COL28A1: variants seen among roughly 807,000 people sequenced by gnomAD.
COL28A1 encodes collagen alpha-1(XXVIII) chain.
COL28A1 carries 161 observed loss-of-function variants against 150.2 expected under a neutral mutation model. The observed-to-expected ratio is 1.07, with a 90% CI of 0.94 to 1.22. The LOEUF (loss-of-function observed/expected upper bound fraction) is 1.22, where lower values mean the gene tolerates loss of function less well. Ranked by LOEUF, COL28A1 falls within the 50% of genes most tolerant of loss-of-function variation. The pLI is 0.00. For synonymous variants in COL28A1, 552 were observed against 469.7 expected, an observed-to-expected ratio of 1.18 and a Z score of -2.26; for missense variants, 1,617 against 1,388.3, an observed-to-expected ratio of 1.16 and a Z score of -2.62.
Position 7,466,624 on chromosome 7 carries a change from C to T in COL28A1, c.1302+7977G>A, listed in dbSNP as rs1249031412. On this transcript the variant is annotated intron_variant, in intron 15 of 34. Transcript: ENST00000399429. ...CACAGAACGCCACAAAGATACTCCT[C>T]GAGAAGAGCAACTCCAAGACACATA... Among the ~76,000 whole-genome samples the T allele has an allele frequency of 1.6e-4, 11 of 67,716 alleles. 1 individual carries two copies. The highest frequency in any genetic ancestry group is 5.5e-4 in the South Asian group (1 of 1,806). 44.4% of individuals were successfully genotyped at this position (67,716 alleles called of 152,430 possible). A position where few individuals can be genotyped will look rare whatever the true frequency, so the allele number is the denominator to read the frequency against.
the COL28A1 span, among the ~76,000 whole-genome samples, chr7:7,338,478 A>C: frequency 3.3e-5 from 5 of 151,926 alleles, no homozygotes; most frequent in Admixed American, 2.6e-4. Flanking sequence ...TGTGTTCTTG[A>C]TTTGGCTCTC....
At chr7:7,518,379 T>G (rs1178147713) in intron 6 of COL28A1, among the ~76,000 whole-genome samples, 1 of 152,168 alleles carries the variant, frequency 6.6e-6, no homozygotes, top group African/African-American at 2.4e-5. Context: ...GGTTGTTTGG[T>G]TGAGCATGTG....
At chr7:7,426,354 G>A (rs1784641024) in intron 25 of COL28A1, among the ~76,000 whole-genome samples, 1 of 152,168 alleles carries the variant, frequency 6.6e-6, no homozygotes, top group African/African-American at 2.4e-5. Flanking sequence ...TTCCACCTAT[G>A]TCATGTGTTA....
chr7:7,423,182 G>A (rs1300124692), intron 25 of COL28A1, among the ~76,000 whole-genome samples: 2 of 152,188 alleles, frequency 1.3e-5, no homozygotes, highest in African/African-American at 4.8e-5. Flanking sequence ...TATGGATGAT[G>A]TCTGAGGATT....
rs774962275 is a variant in COL28A1 at position 7,373,440 on chromosome 7, C to A, written c.2466G>T (p.Lys822Asn). 5 of 1,614,018 alleles carry A rather than the reference C, an allele frequency of 3.1e-6. No individual in the cohort carries two copies. In the South Asian group the frequency reaches 5.5e-5, roughly 18 times the overall value. ...CCAGAGCAACCCGGTCAGCCATAGT[C>A]TTCACAAAATTTTTAATGATCTGAA... is the stretch of plus-strand genomic sequence containing the variant. ...ENFQIIKNFV[K>N]TMADRVALDL... Residue 822 changes from lysine to asparagine, a missense_variant, in exon 32 of 35, where the codon AAG becomes AAT. Physicochemically the swap from Lys to Asn is moderately conservative, Grantham distance 94. Coordinates refer to ENST00000399429, the MANE Select transcript of COL28A1 (RefSeq NM_001037763.3). This position sits in a 1 kb window ranked among gnomAD's most constrained non-coding sequence, Gnocchi z 4.1.
chr7:7,446,039 G>A (rs1452402212), intron 18 of COL28A1, among the ~76,000 whole-genome samples: 2 of 152,026 alleles, frequency 1.3e-5, no homozygotes, highest in South Asian at 2.1e-4. Flanking sequence ...TGTATTTTCA[G>A]TAGAGACGGG....
intron 15 of COL28A1, among the ~76,000 whole-genome samples, chr7:7,470,878 G>C (rs1288807124): frequency 7.9e-6 from 1 of 126,600 alleles, no homozygotes; most frequent in Non-Finnish European, 1.6e-5. Context: ...ACCAAACACC[G>C]CATATTCTCA....
At chr7:7,464,947 A>T (rs1355572020) in intron 15 of COL28A1, among the ~76,000 whole-genome samples, 9 of 152,242 alleles carry the variant, frequency 5.9e-5, no homozygotes, top group African/African-American at 2.2e-4. Flanking sequence ...ATTAGAAACG[A>T]AACAGGAGAT....
intron 33 of COL28A1, among the ~76,000 whole-genome samples, chr7:7,367,468 G>A (rs1780995248): frequency 6.6e-6 from 1 of 152,156 alleles, no homozygotes. Context: ...CTAGAGACAA[G>A]AGGCACTATC....
At chr7:7,338,695 C>T in the COL28A1 span, among the ~76,000 whole-genome samples, 1 of 152,092 alleles carries the variant, frequency 6.6e-6, no homozygotes, top group Non-Finnish European at 1.5e-5. Flanking sequence ...TCTTGCCTGA[C>T]TGCTCTAGCT....
chr7:7,520,160 T>C, intron 5 of COL28A1, 45 bp from the exon 6 acceptor site: 1 of 881,238 alleles, frequency 1.1e-6, no homozygotes, highest in Non-Finnish European at 1.9e-6. Flanking sequence ...GGAATTCTAT[T>C]GTTTTCTATA....
In COL28A1 at chr7:7,427,846, CAA is replaced by C. The variant is rs146157680; in HGVS notation, c.1998+4625_1998+4626del. On this transcript the variant is annotated intron_variant, in intron 25 of 34. Coordinates refer to ENST00000399429, the MANE Select transcript of COL28A1 (RefSeq NM_001037763.3). The stretch of plus-strand genomic sequence containing the variant: ...AGGGGAAACAATCCAACTGCACACA[CAA>C]AAGAGTGCCTAGATAGAAGACGGAC... Among the ~76,000 whole-genome samples, 1,081 of 152,274 alleles carry C rather than the reference CAA, an allele frequency of 7.1e-3. 12 individuals carry two copies. The highest frequency in any genetic ancestry group is 0.025 in the African/African-American group (1,029 of 41,546).
chr7:7,472,887 A>G (rs1788550812), intron 15 of COL28A1, among the ~76,000 whole-genome samples: 1 of 152,224 alleles, frequency 6.6e-6, no homozygotes, highest in Non-Finnish European at 1.5e-5. Context: ...CAGCCAACTG[A>G]TCTTTGACAA....
intron 7 of COL28A1, among the ~76,000 whole-genome samples, chr7:7,517,264 G>T (rs890101626): frequency 6.6e-6 from 1 of 152,020 alleles, no homozygotes; most frequent in Non-Finnish European, 1.5e-5. Flanking sequence ...TTTATGCACC[G>T]TACACATCTC....
chr7:7,377,069 T>G (rs997816498), intron 30 of COL28A1, among the ~76,000 whole-genome samples: 1 of 152,222 alleles, frequency 6.6e-6, no homozygotes, highest in Admixed American at 6.5e-5. Context: ...TGTTTCCAGG[T>G]TGTATTCTCT....
rs976761407 is a variant in COL28A1, at chr7:7,450,431, C to T, written c.1509+1888G>A. On this transcript the variant is annotated intron_variant, in intron 18 of 34. Transcript: ENST00000399429. ...ATATAGAATTTAAAACTTCTGTATACTAAGAAGTACTCTAAGTGAAAAAAA... is the reference window on the plus strand; with the variant it reads ...ATATAGAATTTAAAACTTCTGTATATTAAGAAGTACTCTAAGTGAAAAAAA... 8.6e-5 allele frequency among the ~76,000 whole-genome samples: 13 copies of T among 152,018 alleles called. 1 individual carries two copies. The highest frequency in any genetic ancestry group is 7.9e-4 in the Admixed American group (12 of 15,264).
intron 27 of COL28A1, among the ~76,000 whole-genome samples, chr7:7,408,908 C>T (rs911507356): frequency 1.3e-4 from 20 of 151,958 alleles, no homozygotes; most frequent in Admixed American, 7.2e-4. Context: ...GATTAGTTTT[C>T]TCTCTCTAAC....
At chr7:7,457,068 G>A (rs1348756500) in intron 15 of COL28A1, among the ~76,000 whole-genome samples, 1 of 152,204 alleles carries the variant, frequency 6.6e-6, no homozygotes, top group East Asian at 1.9e-4. Context: ...TCTCCATGAG[G>A]GAGAGCGGTA....
chr7:7,449,826 A>T (rs1184639370), intron 18 of COL28A1, among the ~76,000 whole-genome samples: 3 of 152,140 alleles, frequency 2.0e-5, no homozygotes, highest in Admixed American at 6.5e-5. Flanking sequence ...CTTTATGGAG[A>T]AAATTACAAA....
Sources: allele counts gnomAD v4.1 joint callset (sites outside exome capture counted in the v4.1 genomes callset), GRCh38; gene constraint gnomAD v4.1.1; non-coding constraint Gnocchi (gnomAD v3.1); transcripts MANE v1.5; gene names NCBI Gene and HGNC (gene_info 2026-07-23, HGNC 2026-07-21).